Variants in KIF6 observed in about 807,000 individuals in gnomAD.
KIF6 encodes the protein kinesin family member 6.
KIF6 carries 106 observed loss-of-function variants against 112.7 expected under a neutral mutation model. That is an observed-to-expected ratio of 0.94 (90% CI 0.80 to 1.11). The LOEUF (loss-of-function observed/expected upper bound fraction) is 1.11, where lower values mean the gene tolerates loss of function less well. Ranked by LOEUF, KIF6 falls within the 50% of genes least tolerant of loss-of-function variation. KIF6 has a pLI of 0.00. For synonymous variants in KIF6, 339 were observed against 339.9 expected (o/e 1.00, Z 0.03); for missense variants, 929 against 964.0 (o/e 0.96, Z 0.48).
intron 4 of KIF6, among the ~76,000 whole-genome samples, chr6:39,638,169 C>T (rs1357985355): frequency 6.6e-6 from 1 of 152,028 alleles, no homozygotes; most frequent in African/African-American, 2.4e-5. Flanking sequence ...ATATTACTGG[C>T]TGTGATCATA....
intron 10 of KIF6, among the ~76,000 whole-genome samples, chr6:39,558,546 G>T (rs148909703): frequency 6.0e-4 from 91 of 152,232 alleles, no homozygotes; most frequent in African/African-American, 2.1e-3. Context: ...AATATTCTTG[G>T]TTGTGATGAA....
intron 2 of KIF6, among the ~76,000 whole-genome samples, chr6:39,716,288 T>TGTAATTTTAGTATAAC (rs1789845499): frequency 1.2e-4 from 1 of 8,026 alleles, no homozygotes; most frequent in Non-Finnish European, 4.8e-4. Context: ...AAATTAAAAA[T>TGTAATTTTAGTATAAC]ATCTATAAAG....
At chr6:39,414,103 C>A (rs1194561621) in intron 15 of KIF6, among the ~76,000 whole-genome samples, 1 of 152,100 alleles carries the variant, frequency 6.6e-6, no homozygotes, top group African/African-American at 2.4e-5. Flanking sequence ...GACATCTTGG[C>A]TTTTATATTT....
At chr6:39,568,942 A>G (rs1162886678) in intron 10 of KIF6, among the ~76,000 whole-genome samples, 1 of 152,046 alleles carries the variant, frequency 6.6e-6, no homozygotes, top group Admixed American at 6.6e-5. Context: ...ACTCTTCTGT[A>G]GGCCTTTCTC....
At chr6:39,337,125 TTTCCTCC>T (rs1230323740) in intron 22 of KIF6, among the ~76,000 whole-genome samples, 4 of 123,500 alleles carry the variant, frequency 3.2e-5, no homozygotes, top group Non-Finnish European at 6.8e-5. Flanking sequence ...TCTTTCTTTC[TTTCCTCC>T]TTCCTTCCTT....
Position 39,578,039 on chromosome 6 carries a change from A to AG in KIF6, c.1181+16_1181+17insC, listed in dbSNP as rs759631991. Reference sequence around the variant, plus strand: ...TTTCACTGTTAAAGAAAAAGAAAAAAAAGTCTGCAGACTTACTGAAGGAGC... The same window carrying AG: ...TTTCACTGTTAAAGAAAAAGAAAAAAGAAGTCTGCAGACTTACTGAAGGAGC... On this transcript the variant is annotated intron_variant, in intron 10 of 22. Coordinates refer to ENST00000287152, the MANE Select transcript of KIF6 (RefSeq NM_145027.6). 10 of 1,562,544 alleles carry AG rather than the reference A, an allele frequency of 6.4e-6. No individual in the cohort carries two copies. The African/African-American group carries it at 1.2e-4, about 19-fold the overall frequency.
chr6:39,340,424 G>A (rs894721436), intron 22 of KIF6, among the ~76,000 whole-genome samples: 1 of 152,182 alleles, frequency 6.6e-6, no homozygotes, highest in Non-Finnish European at 1.5e-5. Flanking sequence ...CTTGGTAGTT[G>A]CAGCTTTTCA....
chr6:39,437,482 C>A (rs149072325), intron 13 of KIF6, among the ~76,000 whole-genome samples: 326 of 152,298 alleles, frequency 2.1e-3, no homozygotes, highest in African/African-American at 7.3e-3. Context: ...TGAAAAAGTG[C>A]TTTAGATGCT....
chr6:39,418,806 G>A (rs917372149), intron 15 of KIF6, among the ~76,000 whole-genome samples: 8 of 152,106 alleles, frequency 5.3e-5, no homozygotes, highest in African/African-American at 1.9e-4. Flanking sequence ...TGAGGCTATC[G>A]TGATTTTTAT....
intron 10 of KIF6, among the ~76,000 whole-genome samples, chr6:39,555,380 C>A (rs1376606213): frequency 1.3e-5 from 2 of 152,096 alleles, no homozygotes; most frequent in Non-Finnish European, 2.9e-5. Context: ...CCAGCATCAC[C>A]CCAGTGTCTT....
chr6:39,566,545 T>G (rs180890001), intron 10 of KIF6, among the ~76,000 whole-genome samples: 1 of 152,246 alleles, frequency 6.6e-6, no homozygotes, highest in East Asian at 1.9e-4. Flanking sequence ...GTTTTTGTTT[T>G]GTTTAGCCTT....
At chr6:39,516,961 G>C (rs1007064207) in intron 13 of KIF6, among the ~76,000 whole-genome samples, 1 of 152,150 alleles carries the variant, frequency 6.6e-6, no homozygotes, top group African/African-American at 2.4e-5. Flanking sequence ...GCAAAGGAAG[G>C]TGAGTAGCAA....
chr6:39,643,614 T>C (rs570956015), intron 3 of KIF6, among the ~76,000 whole-genome samples: 3 of 152,260 alleles, frequency 2.0e-5, no homozygotes, highest in Admixed American at 2.0e-4. Context: ...CAACTGGATA[T>C]CCACATGAAA....
At chr6:39,503,324 T>C (rs1414237865) in intron 13 of KIF6, among the ~76,000 whole-genome samples, 1 of 152,162 alleles carries the variant, frequency 6.6e-6, no homozygotes, top group Non-Finnish European at 1.5e-5. Context: ...CCACAATCTC[T>C]AGGATGCAGC....
chr6:39,644,689 A>T (rs555485678), intron 3 of KIF6, among the ~76,000 whole-genome samples: 2 of 152,296 alleles, frequency 1.3e-5, no homozygotes, highest in South Asian at 4.1e-4. Context: ...GCTAATGGCT[A>T]TGGTACAGAG....
In KIF6 at chr6:39,658,593, A is replaced by G. The variant is rs145293040; in HGVS notation, c.252-18836T>C. On this transcript the variant is annotated intron_variant, in intron 3 of 22. Transcript: ENST00000287152. ...TTTGAAGGAATTCTGTCAGCTTGGA[A>G]ATAAGAACTCACCTCTTGTGAGGAG... Among the ~76,000 whole-genome samples the G allele has an allele frequency of 2.1e-3, 318 of 152,308 alleles. 2 individuals are homozygous for G. Among genetic ancestry groups the G allele is most frequent in the African/African-American group, 7.3e-3 (305 of 41,568 alleles).
intron 3 of KIF6, among the ~76,000 whole-genome samples, chr6:39,685,990 G>A (rs1787841613): frequency 6.6e-6 from 1 of 152,254 alleles, no homozygotes; most frequent in Middle Eastern, 3.4e-3. Flanking sequence ...TGTTTTAATT[G>A]ATTTTTAATG....
intron 10 of KIF6, among the ~76,000 whole-genome samples, chr6:39,561,801 AC>A (rs1313587968): frequency 6.6e-6 from 1 of 152,192 alleles, no homozygotes. Context: ...GGACAGGGTT[AC>A]CCAGGGAGTC....
At chr6:39,417,689 C>G (rs116640497) in intron 15 of KIF6, among the ~76,000 whole-genome samples, 1 of 152,108 alleles carries the variant, frequency 6.6e-6, no homozygotes, top group East Asian at 1.9e-4. Context: ...CCAACATACA[C>G]GATTGCACCA....
Sources: gnomAD v4.1 joint callset for allele counts (sites outside exome capture counted in the v4.1 genomes callset) on GRCh38, gnomAD v4.1.1 for gene constraint, MANE v1.5 for transcripts, NCBI Gene and HGNC (gene_info 2026-07-23, HGNC 2026-07-21) for gene names.